The following TECTA variants were observed in gnomAD, a reference collection of about 807,000 sequenced individuals.
TECTA encodes the protein tectorin alpha.
A neutral mutation model predicts 216.8 loss-of-function variants in TECTA; 128 were observed. The ratio of observed to expected loss-of-function variants is 0.59; its 90% confidence interval spans 0.51 to 0.68. The LOEUF is 0.68. Ranked by LOEUF, TECTA falls within the 30% of genes least tolerant of loss-of-function variation. The pLI is 0.00. For missense variants in TECTA, 2,551 were observed against 2,786.2 expected, an observed-to-expected ratio of 0.92 and a Z score of 1.90; for synonymous variants, 1,089 against 1,117.1, an observed-to-expected ratio of 0.97 and a Z score of 0.50.
chr11:121,189,162 G>A lies in TECTA; in HGVS notation c.6245G>A (p.Arg2082Lys). 3 of 1,613,910 alleles carry A rather than the reference G, an allele frequency of 1.9e-6. No individual in the cohort carries two copies. The highest frequency in any genetic ancestry group is 2.5e-6 in the Non-Finnish European group (3 of 1,179,822). Reference sequence around the variant, plus strand: ...ATCATTTCAGTGGGACCTATTAGGAGAAAAAGTATGTATGTTCCCTAAAAC... The same window carrying A: ...ATCATTTCAGTGGGACCTATTAGGAAAAAAAGTATGTATGTTCCCTAAAAC... Reference protein sequence around the residue: ...EQIISVGPIRRKRLDWCEDNG... With the variant: ...EQIISVGPIRKKRLDWCEDNG... Residue 2082 changes from arginine (R) to lysine (K), a missense_variant, in exon 22 of 24, where the codon AGA becomes AAA. Physicochemically the swap from Arg to Lys is conservative, Grantham distance 26 (BLOSUM62 2). Around this residue, in one of 3 missense-constraint regions of TECTA, gnomAD observed 118 missense variants for 116.4 expected, o/e 1.01. Coordinates refer to ENST00000392793, the MANE Select transcript of TECTA (RefSeq NM_005422.4).
Position 121,113,410 on chromosome 11 carries a change from A to G in TECTA, c.625-143A>G. Reference sequence around the variant, plus strand: ...GAAATGAACTAGGCAGTCCTTTCTCACCTAGAATGCTGGCCCCAGTGACTC... The same window carrying G: ...GAAATGAACTAGGCAGTCCTTTCTCGCCTAGAATGCTGGCCCCAGTGACTC... On this transcript the variant is annotated intron_variant, in intron 5 of 23. Coordinates refer to ENST00000392793, the MANE Select transcript of TECTA (RefSeq NM_005422.4). The surrounding 1 kb of genome is among the most constrained non-coding windows in gnomAD (Gnocchi z 4.2). The G allele has an allele frequency of 7.0e-7, 1 of 1,421,258 alleles. No homozygotes were observed. The highest frequency in any genetic ancestry group is 1.2e-5 in the South Asian group (1 of 85,614). 88.0% of individuals were successfully genotyped at this position (1,421,258 alleles called of 1,614,324 possible).
chr11:121,119,319 G>A (rs1946534767), intron 7 of TECTA, among the ~76,000 whole-genome samples: 1 of 152,090 alleles, frequency 6.6e-6, no homozygotes, highest in Admixed American at 6.6e-5. Context: ...AGGCTTGGGT[G>A]GGAAAGTCCC....
intron 15 of TECTA, 93 bp from the exon 16 acceptor site, chr11:121,161,982 A>G: frequency 1.3e-6 from 2 of 1,540,070 alleles, no homozygotes; most frequent in Non-Finnish European, 1.8e-6. Flanking sequence ...GGCACAATGC[A>G]CTAGCTTCAG....
At position 121,166,570 on chromosome 11, in the gene TECTA, T is replaced by TC. The variant is rs1434327899; in HGVS notation, c.5384-5dup. 4.3e-6 allele frequency: 7 copies of TC among 1,614,078 alleles called. No individual in the cohort carries two copies. The highest frequency in any genetic ancestry group is 5.9e-6 in the Non-Finnish European group (7 of 1,180,010). On this transcript the variant is annotated splice_region_variant and splice_polypyrimidine_tract_variant and intron_variant, in intron 17 of 23. Coordinates refer to ENST00000392793, the MANE Select transcript of TECTA (RefSeq NM_005422.4). ...CTGATTTGCCTTTCGTAATAACTGT[T>TC]CCCACAGACTCACATGACATTATCG...
chr11:121,141,822 A>C (rs1416539023), intron 11 of TECTA, among the ~76,000 whole-genome samples: 1 of 152,250 alleles, frequency 6.6e-6, no homozygotes. Flanking sequence ...AAAATGAATC[A>C]AACATGGCCT....
In TECTA at chr11:121,128,252, C is replaced by T; in HGVS notation, c.2275C>T (p.Pro759Ser). 2 of 1,600,332 alleles carry T rather than the reference C, an allele frequency of 1.2e-6. No individual in the cohort carries two copies. The highest frequency in any genetic ancestry group is 2.2e-5 in the East Asian group (1 of 44,870). The change falls in exon 9 of 24, where the codon CCC (proline) becomes TCC (serine). Residue 759 changes from proline to serine, a missense_variant. Physicochemically the swap from Pro to Ser is moderately conservative, Grantham distance 74 (BLOSUM62 -1). Around this residue, in one of 3 missense-constraint regions of TECTA, gnomAD observed 2,375 missense variants for 2,563.9 expected, o/e 0.93. Transcript: ENST00000392793. ...YLEIDINKKK[P>S]DAGPAWLRGL... ...GGAAATCGACATCAACAAGAAGAAGCCCGATGCAGGACCTGCTTGGCTGCG... is the reference window on the plus strand; with the variant it reads ...GGAAATCGACATCAACAAGAAGAAGTCCGATGCAGGACCTGCTTGGCTGCG...
intron 20 of TECTA, among the ~76,000 whole-genome samples, chr11:121,179,118 C>A (rs901849640): frequency 2.0e-5 from 3 of 151,862 alleles, no homozygotes; most frequent in Admixed American, 2.0e-4. Context: ...ATTTTTCCTT[C>A]TACTAATTTT....
At chr11:121,134,073 C>T (rs1283765272) in intron 10 of TECTA, among the ~76,000 whole-genome samples, 1 of 152,150 alleles carries the variant, frequency 6.6e-6, no homozygotes, top group African/African-American at 2.4e-5. Flanking sequence ...CTCCTTCAAG[C>T]TGGCTCCTGT....
chr11:121,126,815 C>A (rs1483177760), intron 8 of TECTA, among the ~76,000 whole-genome samples: 1 of 152,244 alleles, frequency 6.6e-6, no homozygotes, highest in East Asian at 1.9e-4. Flanking sequence ...TGACCAGCCT[C>A]TCTTATGACC....
chr11:121,111,252 A>C (rs985875249), intron 4 of TECTA, among the ~76,000 whole-genome samples: 2 of 152,218 alleles, frequency 1.3e-5, no homozygotes, highest in Non-Finnish European at 2.9e-5. Context: ...TTTCAAGGGA[A>C]GGGAACAGGC....
chr11:121,167,973 C>T, intron 18 of TECTA, 81 bp from the exon 19 acceptor site: 15 of 1,539,164 alleles, frequency 9.7e-6, no homozygotes, highest in Middle Eastern at 1.7e-4. Flanking sequence ...CATTTCTCCA[C>T]TTTCAGGGAT....
Position 121,113,642 on chromosome 11 carries a change from C to T in TECTA, c.714C>T (p.Asn238=), listed in dbSNP as rs148478527. The change falls in exon 6 of 24, where the codon AAC becomes AAT. Residue 238 remains asparagine (N), a synonymous_variant. Coordinates refer to ENST00000392793, the MANE Select transcript of TECTA (RefSeq NM_005422.4). The surrounding 1 kb of genome is among the most constrained non-coding windows in gnomAD (Gnocchi z 4.2). The stretch of plus-strand genomic sequence containing the variant: ...TCGTGAATATCCAGGAGACCACAAA[C>T]GTCAATGTTCCAGGCCGCTGGGCAT... ...PEIVNIQETT[N]VNVPGRWAFK... 104 of 1,613,952 alleles carry T rather than the reference C, an allele frequency of 6.4e-5. 1 individual carries two copies. The African/African-American group carries it at 1.1e-3, about 17-fold the overall frequency.
intron 12 of TECTA, among the ~76,000 whole-genome samples, chr11:121,148,852 G>A (rs1946864345): frequency 6.6e-6 from 1 of 152,208 alleles, no homozygotes; most frequent in Non-Finnish European, 1.5e-5. Context: ...TGAACAAATA[G>A]GCTTACAGGG....
chr11:121,112,341 G>C (rs1946449157), intron 4 of TECTA, among the ~76,000 whole-genome samples: 1 of 152,134 alleles, frequency 6.6e-6, no homozygotes, highest in African/African-American at 2.4e-5. Context: ...TCTGTTGCTG[G>C]GTCACTGTGA....
At chr11:121,179,191 C>G (rs1947200676) in intron 20 of TECTA, among the ~76,000 whole-genome samples, 1 of 151,976 alleles carries the variant, frequency 6.6e-6, no homozygotes. Context: ...TCTTAGCACT[C>G]TTTTTTGTTG....
In TECTA at chr11:121,191,152, C is replaced by A. The variant is rs941607318; in HGVS notation, c.*346C>A. The A allele has an allele frequency of 1.2e-4, 39 of 325,380 alleles. No individual in the cohort carries two copies. Among genetic ancestry groups the A allele is most frequent in the Non-Finnish European group, 1.7e-4 (29 of 168,814 alleles). The allele number at this position is 325,380 out of a possible 1,614,324, so 20.2% of individuals were successfully genotyped here. ...AATCTGACCAGAGAAATCTGTCAAG[C>A]CAGTGCTATTTCTGGATCACAGTTT... On this transcript the variant is annotated 3_prime_UTR_variant, in exon 24 of 24. Coordinates refer to ENST00000392793, the MANE Select transcript of TECTA (RefSeq NM_005422.4).
At chr11:121,121,652 G>A (rs1038264090) in intron 7 of TECTA, among the ~76,000 whole-genome samples, 5 of 152,172 alleles carry the variant, frequency 3.3e-5, no homozygotes, top group Non-Finnish European at 7.3e-5. Context: ...GTCAGCCTGA[G>A]TGCGACAAGA....
chr11:121,125,862 G>C lies in TECTA; in HGVS notation c.1764G>C (p.Gln588His). The change falls in exon 8 of 24, where the codon CAG becomes CAC. Residue 588 changes from glutamine to histidine, a missense_variant. Around this residue, in one of 3 missense-constraint regions of TECTA, gnomAD observed 2,375 missense variants for 2,563.9 expected, o/e 0.93. Transcript: ENST00000392793. ...TTCCAATTGGAGACTGGCGAACCCA[G>C]ACTGGGTGTGGTAAGCTGGCATCCC... is the stretch of plus-strand genomic sequence containing the variant. ...LGIPIGDWRT[Q>H]TGCVSTVQCP... 1.2e-6 allele frequency: 2 copies of C among 1,608,410 alleles called. No individual in the cohort carries two copies. Among genetic ancestry groups the C allele is most frequent in the African/African-American group, 1.3e-5 (1 of 75,052 alleles).
chr11:121,117,590 G>A (rs1227910870), intron 6 of TECTA, among the ~76,000 whole-genome samples: 1 of 152,074 alleles, frequency 6.6e-6, no homozygotes, highest in Non-Finnish European at 1.5e-5. Flanking sequence ...TTCTCTTCCT[G>A]ACCTAGAATT....
Sources: allele counts gnomAD v4.1 joint callset (sites outside exome capture counted in the v4.1 genomes callset), GRCh38; gene constraint gnomAD v4.1.1; regional missense constraint gnomAD v4.1.1; non-coding constraint Gnocchi (gnomAD v3.1); transcripts MANE v1.5; gene names NCBI Gene and HGNC (gene_info 2026-07-23, HGNC 2026-07-21).